The following PDIA6 variants were observed in gnomAD, a reference collection of about 807,000 sequenced individuals.
PDIA6 encodes the protein protein disulfide-isomerase A6.
A neutral mutation model predicts 58.4 loss-of-function variants in PDIA6; 29 were observed. The observed-to-expected ratio is 0.50, with a 90% CI of 0.37 to 0.68. The LOEUF (loss-of-function observed/expected upper bound fraction) is 0.68. Ranked by LOEUF, PDIA6 falls within the 30% of genes least tolerant of loss-of-function variation. PDIA6 has a pLI of 0.00. For missense variants in PDIA6, 480 were observed against 551.0 expected (o/e 0.87, Z 1.29); for synonymous variants, 192 against 202.6 (o/e 0.95, Z 0.44).
At chr2:10,791,582 T>C (rs192121074) in intron 6 of PDIA6, among the ~76,000 whole-genome samples, 2 of 152,288 alleles carry the variant, frequency 1.3e-5, no homozygotes, top group African/African-American at 4.8e-5. Flanking sequence ...TGCCCCTAAA[T>C]CCAGACATGA....
At chr2:10,800,146 T>C (rs1012872732) in intron 2 of PDIA6, among the ~76,000 whole-genome samples, 3 of 152,258 alleles carry the variant, frequency 2.0e-5, no homozygotes, top group African/African-American at 7.2e-5. Context: ...TGCAGGTATC[T>C]TCAAACATCA....
At chr2:10,833,433 C>A (rs975927331), upstream of PDIA6, among the ~76,000 whole-genome samples, 3 of 152,210 alleles carry the variant, frequency 2.0e-5, no homozygotes, top group Non-Finnish European at 4.4e-5. Flanking sequence ...GTCCCCACCC[C>A]CTCTGGGGGT....
intron 4 of PDIA6, among the ~76,000 whole-genome samples, chr2:10,794,261 C>A (rs960933475): frequency 6.6e-6 from 1 of 151,716 alleles, no homozygotes; most frequent in Non-Finnish European, 1.5e-5. Flanking sequence ...TCCTGCCCAA[C>A]ATGGTGAAAC....
chr2:10,790,958 C>A, intron 6 of PDIA6, 125 bp from the exon 7 acceptor site: 1 of 656,482 alleles, frequency 1.5e-6, no homozygotes, highest in South Asian at 1.8e-5. Context: ...CAGGTGATCT[C>A]ATTTCAGCCT....
At chr2:10,818,518 A>C (rs1384344859) in intron 2 of PDIA6, among the ~76,000 whole-genome samples, 4 of 129,068 alleles carry the variant, frequency 3.1e-5, no homozygotes, top group Non-Finnish European at 6.7e-5. Context: ...TTATTTATTT[A>C]TTTATTTATT....
chr2:10,785,659 A>G (rs911113034), intron 11 of PDIA6, among the ~76,000 whole-genome samples: 1 of 152,226 alleles, frequency 6.6e-6, no homozygotes, highest in Admixed American at 6.5e-5. Context: ...TACAGGAGAT[A>G]TATTCACATT....
intron 6 of PDIA6, 49 bp downstream of exon 6, chr2:10,791,746 G>A (rs1469407618): frequency 2.6e-6 from 4 of 1,551,326 alleles, no homozygotes; most frequent in East Asian, 4.5e-5. Flanking sequence ...GCTAATGAAT[G>A]TACTGAAAAC....
upstream of PDIA6, among the ~76,000 whole-genome samples, chr2:10,817,063 G>A (rs147947859): frequency 1.4e-4 from 22 of 152,098 alleles, no homozygotes; most frequent in African/African-American, 3.9e-4. Context: ...CACCTTTGCC[G>A]TTCTTTGCCG....
chr2:10,812,963 C>T, upstream of PDIA6: 3 of 522,362 alleles, frequency 5.7e-6, no homozygotes, highest in Non-Finnish European at 8.1e-6. Flanking sequence ...CGGTGGCGAG[C>T]AGCGGAAGGC....
At chr2:10,793,510 G>C (rs1367833849) in intron 4 of PDIA6, among the ~76,000 whole-genome samples, 5 of 152,072 alleles carry the variant, frequency 3.3e-5, no homozygotes, top group Admixed American at 6.6e-5. Context: ...CGCCTCCCGG[G>C]TTCGAGTGAT....
chr2:10,797,805 C>T lies in PDIA6; in HGVS notation c.162-48G>A, dbSNP rs146444007. ...AGCAACCATTAAAGCCTTTGATTCTCAATTCAAAAAATTCAAAAATTCAAT... is the reference window on the plus strand; with the variant it reads ...AGCAACCATTAAAGCCTTTGATTCTTAATTCAAAAAATTCAAAAATTCAAT... On this transcript the variant is annotated intron_variant, in intron 2 of 12. Transcript: ENST00000272227. 1.5e-4 allele frequency: 229 copies of T among 1,489,310 alleles called. No individual in the cohort carries two copies. The African/African-American group carries it at 2.7e-3, about 17-fold the overall frequency. 92.3% of individuals were successfully genotyped at this position (1,489,310 alleles called of 1,614,324 possible).
intron 4 of PDIA6, 28 bp from the exon 5 acceptor site, chr2:10,793,230 T>A (rs1666117128): frequency 6.7e-7 from 1 of 1,495,768 alleles, no homozygotes; most frequent in African/African-American, 1.4e-5. Context: ...TAGGCGGTCC[T>A]CAGCCCGGCC....
At chr2:10,791,034 A>G (rs1447002640) in intron 6 of PDIA6, among the ~76,000 whole-genome samples, 1 of 152,166 alleles carries the variant, frequency 6.6e-6, no homozygotes, top group Non-Finnish European at 1.5e-5. Flanking sequence ...TTTAGTAGAG[A>G]TAGGGTTTCC....
In PDIA6 at chr2:10,787,326, A is replaced by C; in HGVS notation, c.1112T>G (p.Leu371Arg). Reference protein sequence around the residue: ...AINARKMKFALLKGSFSEQGI... With the variant: ...AINARKMKFARLKGSFSEQGI... Reference sequence around the variant, plus strand: ...TTGCTCACTGAAGGAGCCTTTTAGCAGAGCAAATTTCATCTTGCGTGCATT... The same window carrying C: ...TTGCTCACTGAAGGAGCCTTTTAGCCGAGCAAATTTCATCTTGCGTGCATT... The change falls in exon 11 of 13, where the codon CTG becomes CGG. Residue 371 changes from leucine (L) to arginine (R), a missense_variant. By Grantham distance (102) the Leu-to-Arg change is moderately radical. Coordinates refer to ENST00000272227, the MANE Select transcript of PDIA6 (RefSeq NM_005742.4). The C allele has an allele frequency of 3.1e-6, 5 of 1,614,216 alleles. No homozygotes were observed. Among genetic ancestry groups the C allele is most frequent in the Non-Finnish European group, 4.2e-6 (5 of 1,180,028 alleles).
chr2:10,788,721 T>C lies in PDIA6; in HGVS notation c.974A>G (p.Asp325Gly). Reference sequence around the variant, plus strand: ...CCCCCACATTTTCTTTTTGTATTTGTCTGCCAACTTCAGAAGAACTTCCAG... The same window carrying C: ...CCCCCACATTTTCTTTTTGTATTTGCCTGCCAACTTCAGAAGAACTTCCAG... The part of the protein sequence containing the change: ...SYLEVLLKLA[D>G]KYKKKMWGWL... Residue 325 changes from aspartate to glycine, a missense_variant, in exon 10 of 13, where the codon GAC becomes GGC. Transcript: ENST00000272227. 6.2e-7 allele frequency: 1 copy of C among 1,613,328 alleles called. No individual in the cohort carries two copies.
At chr2:10,789,926 C>T (rs763630363) in intron 7 of PDIA6, 37 bp from the exon 8 acceptor site, 3 of 1,550,884 alleles carry the variant, frequency 1.9e-6, no homozygotes, top group Non-Finnish European at 2.7e-6. Context: ...ATCCAATTAA[C>T]ACTTAATGCA....
At chr2:10,787,785 C>T (rs1260035073) in intron 10 of PDIA6, among the ~76,000 whole-genome samples, 1 of 152,166 alleles carries the variant, frequency 6.6e-6, no homozygotes. Flanking sequence ...AGGAAGGAGG[C>T]TGGGCACGGT....
intron 12 of PDIA6, 195 bp downstream of exon 12, chr2:10,784,739 T>A: frequency 1.8e-6 from 1 of 556,742 alleles, no homozygotes; most frequent in South Asian, 2.4e-5. Context: ...CTGTCAAGAG[T>A]ATCAAATGCC....
chr2:10,832,287 C>G (rs1667731819), exon 1 of PDIA6: 1 of 472,938 alleles, frequency 2.1e-6, no homozygotes, highest in Non-Finnish European at 2.8e-6. Flanking sequence ...GCAAACCGCC[C>G]AAATGCCCAT....
Sources: allele counts gnomAD v4.1 joint callset (sites outside exome capture counted in the v4.1 genomes callset), GRCh38; gene constraint gnomAD v4.1.1; transcripts MANE v1.5; gene names NCBI Gene and HGNC (gene_info 2026-07-23, HGNC 2026-07-21).